The following NFAT5 variants were observed in gnomAD, a reference collection of about 807,000 sequenced individuals.
The protein encoded by NFAT5 is nuclear factor of activated T-cells 5.
NFAT5 carries 31 observed loss-of-function variants against 166.5 expected under a neutral mutation model. The ratio of observed to expected loss-of-function variants is 0.19; its 90% CI spans 0.14 to 0.25. The LOEUF (loss-of-function observed/expected upper bound fraction) is 0.25. NFAT5 is among the 10% of genes least tolerant of loss of function. The probability of loss-of-function intolerance (pLI) is 1.00; values close to 1 mark genes in which losing one functional copy is unlikely to be tolerated. For synonymous variants in NFAT5, 612 were observed against 639.7 expected (o/e 0.96, Z 0.65); for missense variants, 1,449 against 1,821.8 (o/e 0.80, Z 3.72).
At chr16:69,598,518 A>G (rs2032941491) in intron 2 of NFAT5, among the ~76,000 whole-genome samples, 1 of 152,164 alleles carries the variant, frequency 6.6e-6, no homozygotes, top group South Asian at 2.1e-4. Context: ...ACATAGTAAA[A>G]TAATTGTTTC....
At chr16:69,573,370 C>T (rs2016551153) in intron 2 of NFAT5, among the ~76,000 whole-genome samples, 1 of 151,982 alleles carries the variant, frequency 6.6e-6, no homozygotes, top group South Asian at 2.1e-4. Context: ...ATATTTCTTC[C>T]TAGGGCCCTT....
chr16:69,675,190 G>A (rs1021302516), intron 9 of NFAT5, among the ~76,000 whole-genome samples: 3 of 152,214 alleles, frequency 2.0e-5, no homozygotes, highest in African/African-American at 4.8e-5. Flanking sequence ...AGCAAGTAGA[G>A]TAAAAGTATT....
rs1417189765 is a variant in NFAT5 at position 69,626,387 on chromosome 16, T to C, written c.128-16T>C. On this transcript the variant is annotated splice_polypyrimidine_tract_variant and intron_variant, in intron 2 of 14. Coordinates refer to ENST00000349945, the MANE Select transcript of NFAT5 (RefSeq NM_138713.4). ...CTTTTAAAAATTGTTTTCTCCTCTC[T>C]TTCCCCTCCCCACAGAATCTGTCTA... 3 of 1,553,666 alleles carry C rather than the reference T, an allele frequency of 1.9e-6. No homozygotes were observed. The highest frequency in any genetic ancestry group is 2.2e-5 in the Admixed American group (1 of 45,712).
intron 2 of NFAT5, among the ~76,000 whole-genome samples, chr16:69,602,901 G>A (rs1355686646): frequency 6.6e-6 from 1 of 151,734 alleles, no homozygotes; most frequent in East Asian, 1.9e-4. Flanking sequence ...ATGCACCACT[G>A]CTCCTGGCCT....
intron 2 of NFAT5, among the ~76,000 whole-genome samples, chr16:69,585,967 A>G (rs1184059058): frequency 1.3e-5 from 2 of 152,232 alleles, no homozygotes; most frequent in African/African-American, 4.8e-5. Context: ...CATAGATTTA[A>G]TGCCACTGAA....
chr16:69,578,322 C>T (rs1357839408), intron 2 of NFAT5, among the ~76,000 whole-genome samples: 1 of 151,982 alleles, frequency 6.6e-6, no homozygotes, highest in African/African-American at 2.4e-5. Flanking sequence ...GTTTTTGGTC[C>T]CTTACAAGTG....
At chr16:69,660,169 C>T (rs778869049) in intron 7 of NFAT5, among the ~76,000 whole-genome samples, 2 of 152,162 alleles carry the variant, frequency 1.3e-5, no homozygotes, top group Non-Finnish European at 2.9e-5. Context: ...AGGGTGGCTC[C>T]CAGCACTTTG....
At chr16:69,604,650 A>G (rs981672020) in intron 2 of NFAT5, among the ~76,000 whole-genome samples, 1 of 152,272 alleles carries the variant, frequency 6.6e-6, no homozygotes, top group South Asian at 2.1e-4. Flanking sequence ...TTGTGCAACC[A>G]CTACCTCTAT....
rs890951138 is a variant in NFAT5 at position 69,612,253 on chromosome 16, A to G, written c.128-14150A>G. Reference sequence around the variant, plus strand: ...GAACCTTAGTCAGAGAAGACATGACATAGTTTTGGTCCATGAAGGGTTTTC... The same window carrying G: ...GAACCTTAGTCAGAGAAGACATGACGTAGTTTTGGTCCATGAAGGGTTTTC... On this transcript the variant is annotated intron_variant, in intron 2 of 14. Transcript: ENST00000349945. Among the ~76,000 whole-genome samples the G allele has an allele frequency of 5.9e-5, 9 of 152,312 alleles. No individual in the cohort carries two copies. In the East Asian group the frequency reaches 9.6e-4, roughly 16 times the overall value.
At chr16:69,599,011 A>G (rs1253715078) in intron 2 of NFAT5, among the ~76,000 whole-genome samples, 5 of 140,214 alleles carry the variant, frequency 3.6e-5, no homozygotes, top group Non-Finnish European at 6.1e-5. Context: ...ACAGAGTGAG[A>G]CTCTGTCTCA....
chr16:69,688,996 G>C (rs755852839), intron 11 of NFAT5, among the ~76,000 whole-genome samples: 2 of 152,216 alleles, frequency 1.3e-5, no homozygotes, highest in Non-Finnish European at 2.9e-5. Context: ...GTTGTAGGCC[G>C]AGTGTGGTGG....
At chr16:69,593,814 A>AT (rs1331373261) in intron 2 of NFAT5, among the ~76,000 whole-genome samples, 1 of 152,214 alleles carries the variant, frequency 6.6e-6, no homozygotes, top group African/African-American at 2.4e-5. Flanking sequence ...GCTTATCAGA[A>AT]TTTTTAAATA....
At chr16:69,667,766 C>G (rs561798028) in intron 7 of NFAT5, among the ~76,000 whole-genome samples, 1 of 152,036 alleles carries the variant, frequency 6.6e-6, no homozygotes, top group African/African-American at 2.4e-5. Flanking sequence ...ACAAGATATA[C>G]CATATGTTTC....
In NFAT5 at chr16:69,693,176, T is replaced by C. The variant is rs61730073; in HGVS notation, c.3351T>C (p.Ile1117=). Residue 1117 remains isoleucine (I), a synonymous_variant, in exon 13 of 15, where the codon ATT becomes ATC. Transcript: ENST00000349945. ...CTCTCTTTCATAGTCCAAATCCTATTGTCCACAGTCAGACTTCTACAACCT... is the reference window on the plus strand; with the variant it reads ...CTCTCTTTCATAGTCCAAATCCTATCGTCCACAGTCAGACTTCTACAACCT... The part of the protein sequence containing the change: ...QGSLFHSPNP[I]VHSQTSTTSS... 13,087 of 1,614,074 alleles carry C rather than the reference T, an allele frequency of 8.1e-3. 952 individuals carry two copies. The African/African-American group carries it at 0.16, about 19-fold the overall frequency.
At chr16:69,664,753 C>T (rs565027217) in intron 7 of NFAT5, among the ~76,000 whole-genome samples, 144 of 152,220 alleles carry the variant, frequency 9.5e-4, no homozygotes, top group African/African-American at 3.1e-3. Context: ...CTTGGTCGGG[C>T]GCAGTGGCTC....
intron 3 of NFAT5, among the ~76,000 whole-genome samples, chr16:69,639,704 A>G (rs909128887): frequency 2.6e-5 from 4 of 152,094 alleles, no homozygotes; most frequent in Admixed American, 6.5e-5. Flanking sequence ...TGGAAAGGTT[A>G]TTTTGCTGCT....
At chr16:69,627,363 T>G (rs866729454) in intron 3 of NFAT5, among the ~76,000 whole-genome samples, 1 of 51,094 alleles carries the variant, frequency 2.0e-5, no homozygotes. Flanking sequence ...TATATATATA[T>G]ATATATATAT....
chr16:69,650,440 C>T (rs2035617025), intron 4 of NFAT5, among the ~76,000 whole-genome samples: 1 of 152,024 alleles, frequency 6.6e-6, no homozygotes, highest in Non-Finnish European at 1.5e-5. Flanking sequence ...TTAAGAACTT[C>T]TAAAGTACCA....
intron 7 of NFAT5, among the ~76,000 whole-genome samples, chr16:69,661,945 A>G (rs1378067778): frequency 6.6e-6 from 1 of 152,158 alleles, no homozygotes; most frequent in African/African-American, 2.4e-5. Flanking sequence ...TATATAGGCC[A>G]GGCGTGGGAG....
Sources: allele counts gnomAD v4.1 joint callset (sites outside exome capture counted in the v4.1 genomes callset), GRCh38; gene constraint gnomAD v4.1.1; transcripts MANE v1.5; gene names NCBI Gene and HGNC (gene_info 2026-07-23, HGNC 2026-07-21).